Variants in HIVEP1 observed in about 807,000 individuals in gnomAD.
HIVEP1 encodes the protein zinc finger protein 40.
HIVEP1 carries 36 observed loss-of-function variants against 180.0 expected under a neutral mutation model. The observed-to-expected ratio is 0.20, with a 90% CI of 0.15 to 0.26. HIVEP1 has a LOEUF of 0.26. Among genes scored for constraint, HIVEP1 ranks in the 10% least tolerant of loss-of-function variants. The probability of loss-of-function intolerance (pLI) is 1.00; values close to 1 mark genes in which losing one functional copy is unlikely to be tolerated. For missense variants in HIVEP1, 3,143 were observed against 3,268.7 expected (o/e 0.96, Z 0.94); for synonymous variants, 1,239 against 1,239.0 (o/e 1.00, Z 0.00).
intron 3 of HIVEP1, among the ~76,000 whole-genome samples, chr6:12,108,724 T>G (rs1434518399): frequency 6.6e-6 from 1 of 152,196 alleles, no homozygotes; most frequent in Non-Finnish European, 1.5e-5. Context: ...GAGCTCCAGC[T>G]GGCCTGCAAG....
At position 12,121,703 on chromosome 6, in the gene HIVEP1, C is replaced by G; in HGVS notation, c.1908C>G (p.Asp636Glu). The change falls in exon 4 of 9, where the codon GAC becomes GAG. Residue 636 changes from aspartate to glutamate, a missense_variant. By Grantham distance (45) the Asp-to-Glu change is conservative. Coordinates refer to ENST00000379388, the MANE Select transcript of HIVEP1 (RefSeq NM_002114.4). The surrounding 1 kb of genome is among the most constrained non-coding windows in gnomAD (Gnocchi z 5.3). ...GDMNPLEGKQ[D>E]SHVGTVHAQL... Reference sequence around the variant, plus strand: ...TGAATCCACTGGAAGGAAAGCAAGACTCTCACGTAGGAACGGTACACGCCC... The same window carrying G: ...TGAATCCACTGGAAGGAAAGCAAGAGTCTCACGTAGGAACGGTACACGCCC... 6.2e-7 allele frequency: 1 copy of G among 1,614,218 alleles called. No individual in the cohort carries two copies. Among genetic ancestry groups the G allele is most frequent in the Non-Finnish European group, 8.5e-7 (1 of 1,180,036 alleles).
chr6:12,056,705 G>A (rs773658866), intron 2 of HIVEP1, among the ~76,000 whole-genome samples: 2 of 152,104 alleles, frequency 1.3e-5, no homozygotes, highest in South Asian at 2.1e-4. Context: ...GTAAAAACGC[G>A]ACTTTAATGG....
intron 3 of HIVEP1, among the ~76,000 whole-genome samples, chr6:12,105,701 T>TA (rs1444287220): frequency 6.6e-6 from 1 of 152,196 alleles, no homozygotes; most frequent in Admixed American, 6.5e-5. Context: ...GAAAATTACA[T>TA]ACACACACGC....
At chr6:12,131,005 C>G in intron 6 of HIVEP1, 63 bp downstream of exon 6, 1 of 1,198,568 alleles carries the variant, frequency 8.3e-7, no homozygotes, top group South Asian at 1.6e-5. Flanking sequence ...AGCTAAAACC[C>G]AACTGTGCGT....
chr6:12,164,428 T>A lies in HIVEP1; in HGVS notation c.8124T>A (p.Asp2708Glu), dbSNP rs200333717. The A allele has an allele frequency of 6.2e-7, 1 of 1,612,650 alleles. No homozygotes were observed. Among genetic ancestry groups the A allele is most frequent in the African/African-American group, 1.3e-5 (1 of 74,994 alleles). Residue 2708 changes from aspartate (D) to glutamate (E), a missense_variant, in exon 9 of 9, where the codon GAT becomes GAA. Asp to Glu is a conservative substitution (Grantham distance 45). Around this residue, in one of 12 missense-constraint regions of HIVEP1, gnomAD observed 11 missense variants for 24.0 expected, o/e 0.46. Transcript: ENST00000379388. The stretch of plus-strand genomic sequence containing the variant: ...TGCACTTCAGCGACGTGAGCAGCGA[T>A]GATGACGAGGACAGGCTTGTGATAG... ...PTVHFSDVSS[D>E]DDEDRLVIAT is the part of the protein sequence containing the mutation.
the HIVEP1 span, among the ~76,000 whole-genome samples, chr6:12,187,293 AGGT>A: frequency 6.6e-6 from 1 of 152,250 alleles, no homozygotes; most frequent in East Asian, 1.9e-4. Context: ...CCAATACTAC[AGGT>A]GGGGGTCTAA....
chr6:12,173,640 T>TTCAAGCCCACA, the HIVEP1 span, among the ~76,000 whole-genome samples: 3 of 152,210 alleles, frequency 2.0e-5, no homozygotes, highest in Admixed American at 6.5e-5. Context: ...ATAACTTTTA[T>TTCAAGCCCACA]GATGTCTATA....
chr6:12,050,791 C>T (rs1055375637), intron 2 of HIVEP1, among the ~76,000 whole-genome samples: 17 of 151,680 alleles, frequency 1.1e-4, no homozygotes, highest in African/African-American at 4.1e-4. Context: ...CTAAGTAGGC[C>T]TTTCCTGCTT....
At chr6:12,127,526 T>C (rs1758159844) in intron 4 of HIVEP1, among the ~76,000 whole-genome samples, 1 of 152,256 alleles carries the variant, frequency 6.6e-6, no homozygotes, top group South Asian at 2.1e-4. Flanking sequence ...TGGAAATGCA[T>C]ATCTAGATTT....
chr6:12,161,670 G>C lies in HIVEP1; in HGVS notation c.6719G>C (p.Gly2240Ala). 1 of 1,614,102 alleles carries C rather than the reference G, an allele frequency of 6.2e-7. No homozygotes were observed. The highest frequency in any genetic ancestry group is 8.5e-7 in the Non-Finnish European group (1 of 1,180,022). The change falls in exon 8 of 9, where the codon GGG becomes GCG. Residue 2240 changes from glycine to alanine, a missense_variant. Around this residue, in one of 12 missense-constraint regions of HIVEP1, gnomAD observed 595 missense variants for 602.2 expected, o/e 0.99. Transcript: ENST00000379388. ...GTCAGGATCACCGATTGCTTTTCTG[G>C]GGTACACACGGACCCAATGGACGTT... The part of the protein sequence containing the change: ...EDVRITDCFS[G>A]VHTDPMDVLP...
chr6:12,167,135 G>A (rs919298000), downstream of HIVEP1, among the ~76,000 whole-genome samples: 16 of 152,006 alleles, frequency 1.1e-4, no homozygotes, highest in African/African-American at 3.6e-4. Context: ...TCATAATATA[G>A]ACCTGATTTT....
At chr6:12,190,125 T>G in the HIVEP1 span, among the ~76,000 whole-genome samples, 1 of 152,216 alleles carries the variant, frequency 6.6e-6, no homozygotes, top group Admixed American at 6.5e-5. Context: ...AGATTTATGC[T>G]GCCAACATTT....
intron 2 of HIVEP1, chr6:12,020,513 C>T: frequency 4.3e-6 from 2 of 462,560 alleles, no homozygotes; most frequent in African/African-American, 2.0e-5. Flanking sequence ...CTTCTCAGGC[C>T]TTCGCTTGGA....
chr6:12,019,188 G>T (rs1422935732), intron 2 of HIVEP1, among the ~76,000 whole-genome samples: 2 of 152,142 alleles, frequency 1.3e-5, no homozygotes, highest in Non-Finnish European at 2.9e-5. Flanking sequence ...AGCCAGTGTA[G>T]CTCACTCAGC....
intron 7 of HIVEP1, among the ~76,000 whole-genome samples, chr6:12,145,191 TA>T (rs1389522151): frequency 6.6e-6 from 1 of 152,076 alleles, no homozygotes; most frequent in Non-Finnish European, 1.5e-5. Context: ...TCTGCAGCCA[TA>T]AAAAAGGATG....
intron 2 of HIVEP1, among the ~76,000 whole-genome samples, chr6:12,076,612 C>T (rs761855924): frequency 2.0e-5 from 3 of 152,064 alleles, no homozygotes; most frequent in Admixed American, 6.6e-5. Context: ...GGCTGAAGAG[C>T]GGAAGAGAGT....
chr6:12,183,860 A>T, the HIVEP1 span, among the ~76,000 whole-genome samples: 1 of 152,226 alleles, frequency 6.6e-6, no homozygotes, highest in Non-Finnish European at 1.5e-5. Context: ...AAGTTACTGA[A>T]GTTTGAACAA....
At chr6:12,177,806 A>G in the HIVEP1 span, among the ~76,000 whole-genome samples, 3 of 152,150 alleles carry the variant, frequency 2.0e-5, no homozygotes, top group Non-Finnish European at 4.4e-5. Context: ...ATTCATTTGT[A>G]TGTCTCCCGT....
At chr6:12,183,990 TA>T in the HIVEP1 span, among the ~76,000 whole-genome samples, 1 of 132,064 alleles carries the variant, frequency 7.6e-6, no homozygotes, top group African/African-American at 3.6e-5. Flanking sequence ...GATAGATAGA[TA>T]GATAGATAGA....
Sources: allele counts gnomAD v4.1 joint callset (sites outside exome capture counted in the v4.1 genomes callset), GRCh38; gene constraint gnomAD v4.1.1; regional missense constraint gnomAD v4.1.1; non-coding constraint Gnocchi (gnomAD v3.1); transcripts MANE v1.5; gene names NCBI Gene and HGNC (gene_info 2026-07-23, HGNC 2026-07-21).